Variants in UBTD2 observed in about 807,000 individuals in gnomAD.
The protein encoded by UBTD2 is ubiquitin domain containing 2.
A neutral mutation model predicts 19.8 loss-of-function variants in UBTD2; 9 were observed. The ratio of observed to expected loss-of-function variants is 0.46; its 90% CI spans 0.27 to 0.79. UBTD2 has a LOEUF of 0.79. Among genes scored for constraint, UBTD2 ranks in the 30% least tolerant of loss-of-function variants. The probability of loss-of-function intolerance (pLI) is 0.14; values close to 1 mark genes in which losing one functional copy is unlikely to be tolerated. For missense variants in UBTD2, 250 were observed against 300.4 expected (o/e 0.83, Z 1.24); for synonymous variants, 98 against 103.9 (o/e 0.94, Z 0.35).
At chr5:172,236,012 T>G (rs1158278097) in intron 1 of UBTD2, among the ~76,000 whole-genome samples, 4 of 152,238 alleles carry the variant, frequency 2.6e-5, no homozygotes, top group African/African-American at 9.6e-5. Flanking sequence ...TGAAATTGAC[T>G]ACTCCCTCAT....
At chr5:172,218,771 T>A (rs1290224795) in intron 2 of UBTD2, among the ~76,000 whole-genome samples, 2 of 100,960 alleles carry the variant, frequency 2.0e-5, no homozygotes, top group Admixed American at 1.2e-4. Context: ...TCAGACCCTG[T>A]CACCAAAAAA....
chr5:172,211,363 C>T lies in UBTD2; in HGVS notation c.*467G>A, dbSNP rs1198633100. The T allele has an allele frequency of 8.7e-6, 1 of 115,044 alleles. No homozygotes were observed. Among genetic ancestry groups the T allele is most frequent in the Non-Finnish European group, 2.1e-5 (1 of 47,864 alleles). 7.1% of individuals were successfully genotyped at this position (115,044 alleles called of 1,614,324 possible). A position where few individuals can be genotyped will look rare whatever the true frequency, so the allele number is the denominator to read the frequency against. ...TTCCATTAACCAAAACAAAACAAAACAAAACAAAACAAAACAAAACAAAAC... is the reference window on the plus strand; with the variant it reads ...TTCCATTAACCAAAACAAAACAAAATAAAACAAAACAAAACAAAACAAAAC... On this transcript the variant is annotated 3_prime_UTR_variant, in exon 3 of 3. Coordinates refer to ENST00000393792, the MANE Select transcript of UBTD2 (RefSeq NM_152277.3).
intron 1 of UBTD2, among the ~76,000 whole-genome samples, chr5:172,239,681 A>G (rs1044672869): frequency 4.6e-5 from 7 of 152,212 alleles, no homozygotes; most frequent in East Asian, 3.9e-4. Context: ...TTGGCCTCCC[A>G]AAGTGCTGGG....
At chr5:172,231,125 A>C (rs920803758) in intron 2 of UBTD2, among the ~76,000 whole-genome samples, 1 of 152,194 alleles carries the variant, frequency 6.6e-6, no homozygotes, top group Non-Finnish European at 1.5e-5. Context: ...AAAAGATGGA[A>C]AGAATTTCGG....
intron 1 of UBTD2, among the ~76,000 whole-genome samples, chr5:172,255,887 G>A (rs539730819): frequency 2.6e-5 from 4 of 152,210 alleles, no homozygotes; most frequent in Non-Finnish European, 4.4e-5. Flanking sequence ...TCAGGAGTTC[G>A]AGACCAGCCT....
intron 1 of UBTD2, among the ~76,000 whole-genome samples, chr5:172,274,259 G>C (rs1482079532): frequency 6.7e-6 from 1 of 150,230 alleles, no homozygotes; most frequent in Non-Finnish European, 1.5e-5. Flanking sequence ...TCCTGCCTCA[G>C]CCTCCCAAGT....
Position 172,259,968 on chromosome 5 carries a change from G to A in UBTD2, c.70+23628C>T, listed in dbSNP as rs555315167. Among the ~76,000 whole-genome samples, 10 of 152,104 alleles carry A rather than the reference G, an allele frequency of 6.6e-5. 2 individuals are homozygous for A. Among genetic ancestry groups the A allele is most frequent in the African/African-American group, 2.4e-4 (10 of 41,506 alleles). ...CTCGGGAGGCTGAGGCAGGAGAATC[G>A]CTTGAACCCAGGAGGCAGAGGTTGC... On this transcript the variant is annotated intron_variant, in intron 1 of 2. Transcript: ENST00000393792.
In UBTD2 at chr5:172,220,509, C is replaced by T. The variant is rs372865979; in HGVS notation, c.308-8282G>A. 2.6e-5 allele frequency among the ~76,000 whole-genome samples: 4 copies of T among 152,270 alleles called. No individual in the cohort carries two copies. The East Asian group carries it at 7.7e-4, about 29-fold the overall frequency. The stretch of plus-strand genomic sequence containing the variant: ...AACTAGCCGAGCGTGGTGGCACATG[C>T]CTGTAATCCCAGCTATTCGGGAAGT... On this transcript the variant is annotated intron_variant, in intron 2 of 2. Transcript: ENST00000393792.
chr5:172,235,690 C>T (rs1248654521), intron 1 of UBTD2, among the ~76,000 whole-genome samples: 1 of 152,136 alleles, frequency 6.6e-6, no homozygotes, highest in Non-Finnish European at 1.5e-5. Context: ...ACCCAGATAA[C>T]CATCTGGTGT....
At chr5:172,212,306 C>T in intron 2 of UBTD2, 79 bp from the exon 3 acceptor site, 1 of 1,460,212 alleles carries the variant, frequency 6.8e-7, no homozygotes, top group Non-Finnish European at 9.2e-7. Flanking sequence ...AATGCTTAAG[C>T]TTCTCTTGCT....
intron 1 of UBTD2, among the ~76,000 whole-genome samples, chr5:172,254,171 C>T (rs1755091879): frequency 1.3e-5 from 2 of 152,294 alleles, no homozygotes; most frequent in African/African-American, 4.8e-5. Flanking sequence ...GCAATCTCGG[C>T]TCACTACAAC....
Position 172,211,932 on chromosome 5 carries a change from G to A in UBTD2, c.603C>T (p.Leu201=). 6.2e-7 allele frequency: 1 copy of A among 1,614,176 alleles called. No individual in the cohort carries two copies. The highest frequency in any genetic ancestry group is 1.1e-5 in the South Asian group (1 of 91,080). Residue 201 remains leucine, a synonymous_variant, in exon 3 of 3, where the codon CTC becomes CTT. Transcript: ENST00000393792. The part of the protein sequence containing the change: ...SQRWFFSGRP[L]TDKMKFEELK... Reference sequence around the variant, plus strand: ...GCTCTTCGAACTTCATTTTGTCAGTGAGAGGTCTGCCAGAAAAAAACCACC... The same window carrying A: ...GCTCTTCGAACTTCATTTTGTCAGTAAGAGGTCTGCCAGAAAAAAACCACC...
chr5:172,218,775 C>CAAAAAAAAAAAAAAAAAAAAAA (rs1196929218), intron 2 of UBTD2, among the ~76,000 whole-genome samples: 7 of 50,410 alleles, frequency 1.4e-4, no homozygotes, highest in Non-Finnish European at 2.1e-4. Context: ...ACCCTGTCAC[C>CAAAAAAAAAAAAAAAAAAAAAA]AAAAAAAAAA....
At position 172,283,008 on chromosome 5, in the gene UBTD2, C is replaced by T. The variant is rs1287481843; in HGVS notation, c.70+588G>A. Among the ~76,000 whole-genome samples the T allele has an allele frequency of 6.6e-6, 1 of 152,164 alleles. No homozygotes were observed. On this transcript the variant is annotated intron_variant, in intron 1 of 2. Transcript: ENST00000393792. This position sits in a 1 kb window ranked among gnomAD's most constrained non-coding sequence, Gnocchi z 4.3. ...AGGAGCCACGTTTTACCCGGGAAGA[C>T]CGTTTCCCCACCCCTCCTTAATACA...
chr5:172,217,324 C>G (rs575889936), intron 2 of UBTD2, among the ~76,000 whole-genome samples: 1 of 148,498 alleles, frequency 6.7e-6, no homozygotes, highest in East Asian at 2.0e-4. Flanking sequence ...GAGGCTGAGG[C>G]AGGAGAATGG....
At position 172,274,451 on chromosome 5, in the gene UBTD2, A is replaced by G. The variant is rs1361867069; in HGVS notation, c.70+9145T>C. ...ACTGCACCTGGCTGTTTTACTCTTT[A>G]CTATTGGCACAAACCAAAGAATAGA... On this transcript the variant is annotated intron_variant, in intron 1 of 2. Transcript: ENST00000393792. Among the ~76,000 whole-genome samples the G allele has an allele frequency of 2.0e-5, 3 of 152,052 alleles. No individual in the cohort carries two copies. The East Asian group carries it at 5.8e-4, about 30-fold the overall frequency.
chr5:172,262,468 A>AAAAAAAAAAT (rs763651049), intron 1 of UBTD2, among the ~76,000 whole-genome samples: 5 of 143,112 alleles, frequency 3.5e-5, no homozygotes, highest in South Asian at 2.2e-4. Flanking sequence ...AAAAAAAAAA[A>AAAAAAAAAAT]CAAGAAAATG....
chr5:172,210,399 T>A lies in UBTD2; in HGVS notation c.*1431A>T, dbSNP rs778997279. ...TTAAGTGCCTTCTTGTCTGTACTTT[T>A]CCATCTCATGGATTCTCAGGGGCAC... On this transcript the variant is annotated 3_prime_UTR_variant, in exon 3 of 3. Transcript: ENST00000393792. 3 of 152,210 alleles carry A rather than the reference T, an allele frequency of 2.0e-5. No individual in the cohort carries two copies. The highest frequency in any genetic ancestry group is 4.8e-5 in the African/African-American group (2 of 41,448). The allele number at this position is 152,210 out of a possible 1,614,324, so 9.4% of individuals were successfully genotyped here.
At chr5:172,223,470 G>A (rs1318684172) in intron 2 of UBTD2, among the ~76,000 whole-genome samples, 2 of 150,850 alleles carry the variant, frequency 1.3e-5, no homozygotes, top group Admixed American at 6.7e-5. Flanking sequence ...GTGGTGGCAC[G>A]CTCCTGTAAT....
Sources: gnomAD v4.1 joint callset for allele counts (sites outside exome capture counted in the v4.1 genomes callset) on GRCh38, gnomAD v4.1.1 for gene constraint, Gnocchi (gnomAD v3.1) non-coding constraint, MANE v1.5 for transcripts, NCBI Gene and HGNC (gene_info 2026-07-23, HGNC 2026-07-21) for gene names.